SHCBP1: variants seen among roughly 807,000 people sequenced by gnomAD.
SHCBP1 encodes SHC binding and spindle associated 1, also known as SHC SH2 domain-binding protein 1.
SHCBP1 carries 60 observed loss-of-function variants against 75.1 expected under a neutral mutation model. The ratio of observed to expected loss-of-function variants is 0.80; its 90% CI spans 0.65 to 0.99. The LOEUF is 0.99. Ranked by LOEUF, SHCBP1 falls within the 50% of genes least tolerant of loss-of-function variation. SHCBP1 has a pLI of 0.00. For missense variants in SHCBP1, 709 were observed against 809.4 expected (o/e 0.88, Z 1.50); for synonymous variants, 290 against 293.2 (o/e 0.99, Z 0.11).
In SHCBP1 at chr16:46,584,065, C is replaced by G; in HGVS notation, c.1489G>C (p.Gly497Arg). 1.2e-6 allele frequency: 2 copies of G among 1,603,064 alleles called. No homozygotes were observed. The highest frequency in any genetic ancestry group is 1.7e-4 in the Middle Eastern group (1 of 6,044). ...AKGAGIEIYP[G>R]SQCTLSDNGI... is the part of the protein sequence containing the mutation. ...TTGTCACTCAGGGTGCACTGACTCC[C>G]AGGGTAGATTTCTATACCAGCACCC... Residue 497 changes from glycine to arginine, a missense_variant, in exon 11 of 13, where the codon GGG (glycine) becomes CGG (arginine). Transcript: ENST00000303383.
At chr16:46,594,893 A>ACAGTAAAAAAGAGCAAG (rs1230729889) in intron 10 of SHCBP1, among the ~76,000 whole-genome samples, 1 of 152,238 alleles carries the variant, frequency 6.6e-6, no homozygotes, top group Non-Finnish European at 1.5e-5. Context: ...CACACATTGG[A>ACAGTAAAAAAGAGCAAG]CTATTCCTCC....
intron 8 of SHCBP1, among the ~76,000 whole-genome samples, chr16:46,600,605 A>T (rs1271502491): frequency 6.6e-6 from 1 of 152,258 alleles, no homozygotes; most frequent in Non-Finnish European, 1.5e-5. Context: ...AAACCTAAAC[A>T]GTTCTCAAGA....
intron 5 of SHCBP1, 145 bp from the exon 6 acceptor site, chr16:46,604,606 G>A (rs758486782): frequency 3.5e-6 from 2 of 578,624 alleles, no homozygotes; most frequent in East Asian, 2.9e-5. Flanking sequence ...GAATAGCACT[G>A]TAATAATAAT....
chr16:46,583,954 G>C, intron 11 of SHCBP1, 49 bp downstream of exon 11: 1 of 1,481,308 alleles, frequency 6.8e-7, no homozygotes, highest in African/African-American at 1.4e-5. Context: ...TAATTTGTAG[G>C]TAAAACCATT....
intron 10 of SHCBP1, among the ~76,000 whole-genome samples, chr16:46,595,044 T>A (rs919800125): frequency 3.3e-5 from 5 of 152,146 alleles, no homozygotes; most frequent in African/African-American, 1.2e-4. Flanking sequence ...ATGAAATAAA[T>A]AGAAATGAAA....
intron 8 of SHCBP1, among the ~76,000 whole-genome samples, chr16:46,600,323 C>G (rs1255300473): frequency 1.3e-5 from 2 of 152,118 alleles, no homozygotes; most frequent in African/African-American, 4.8e-5. Context: ...AAAAATTAGT[C>G]AGGCATGGTG....
intron 4 of SHCBP1, among the ~76,000 whole-genome samples, chr16:46,609,433 TTTTC>T (rs1332813401): frequency 6.9e-6 from 1 of 144,334 alleles, no homozygotes; most frequent in Non-Finnish European, 1.5e-5. Flanking sequence ...GCATCCACAC[TTTTC>T]TTTTCTTTTT....
intron 4 of SHCBP1, among the ~76,000 whole-genome samples, chr16:46,609,629 T>C (rs1025788353): frequency 1.3e-5 from 2 of 151,578 alleles, no homozygotes; most frequent in Admixed American, 6.6e-5. Flanking sequence ...TTTTTGTACT[T>C]TTAGTAGAGA....
At chr16:46,589,633 C>G (rs1420857961) in intron 10 of SHCBP1, among the ~76,000 whole-genome samples, 1 of 152,202 alleles carries the variant, frequency 6.6e-6, no homozygotes, top group East Asian at 1.9e-4. Flanking sequence ...TGAAGGACCT[C>G]TTCAAGGAGA....
At chr16:46,588,465 T>A (rs12903963) in intron 10 of SHCBP1, among the ~76,000 whole-genome samples, 1 of 151,906 alleles carries the variant, frequency 6.6e-6, no homozygotes, top group Non-Finnish European at 1.5e-5. Context: ...ATCAAATAGA[T>A]GCAATAAAAA....
intron 3 of SHCBP1, among the ~76,000 whole-genome samples, chr16:46,617,057 A>G (rs1965510389): frequency 6.6e-6 from 1 of 152,232 alleles, no homozygotes; most frequent in African/African-American, 2.4e-5. Context: ...AAAAATTCAA[A>G]GCTGTAATTA....
chr16:46,603,727 G>C (rs1415257435), intron 7 of SHCBP1, 68 bp from the exon 8 acceptor site: 4 of 1,581,670 alleles, frequency 2.5e-6, no homozygotes, highest in Non-Finnish European at 3.5e-6. Context: ...ATTACTCTAG[G>C]TGACTTCATG....
In SHCBP1 at chr16:46,621,315, G is replaced by A; in HGVS notation, c.45C>T (p.Ala15=). 6.2e-7 allele frequency: 1 copy of A among 1,611,434 alleles called. No individual in the cohort carries two copies. The highest frequency in any genetic ancestry group is 8.5e-7 in the Non-Finnish European group (1 of 1,179,278). ...SLTGGGLEAA[A]MAPERMGWAV... ...CCCAGCCCATGCGCTCCGGCGCCATGGCCGCTGCCTCCAGACCGCCGCCCG... is the reference window on the plus strand; with the variant it reads ...CCCAGCCCATGCGCTCCGGCGCCATAGCCGCTGCCTCCAGACCGCCGCCCG... Residue 15 remains alanine (A), a synonymous_variant, in exon 1 of 13, where the codon GCC becomes GCT. Transcript: ENST00000303383.
intron 8 of SHCBP1, 57 bp from the exon 9 acceptor site, chr16:46,600,019 A>G: frequency 6.3e-7 from 1 of 1,576,336 alleles, no homozygotes; most frequent in South Asian, 1.2e-5. Context: ...TCTAAACGTG[A>G]ACACTGTAGA....
At chr16:46,606,930 C>G (rs995893234) in intron 5 of SHCBP1, among the ~76,000 whole-genome samples, 1 of 151,998 alleles carries the variant, frequency 6.6e-6, no homozygotes, top group Non-Finnish European at 1.5e-5. Context: ...AAGCAATCTT[C>G]CTGCCTCAGC....
chr16:46,601,607 G>A (rs1340240495), intron 8 of SHCBP1, among the ~76,000 whole-genome samples: 1 of 152,114 alleles, frequency 6.6e-6, no homozygotes, highest in Admixed American at 6.6e-5. Flanking sequence ...GAATGCAAGG[G>A]GACTCCACAC....
At chr16:46,596,482 G>A (rs1965144902) in intron 9 of SHCBP1, among the ~76,000 whole-genome samples, 1 of 151,936 alleles carries the variant, frequency 6.6e-6, no homozygotes, top group African/African-American at 2.4e-5. Context: ...ACTCCAGCCT[G>A]GGTGACAGAG....
At chr16:46,584,935 C>T (rs1051607057) in intron 10 of SHCBP1, among the ~76,000 whole-genome samples, 3 of 152,104 alleles carry the variant, frequency 2.0e-5, no homozygotes, top group Non-Finnish European at 4.4e-5. Context: ...AGTAGTATTC[C>T]ATGAGAAAAC....
intron 8 of SHCBP1, among the ~76,000 whole-genome samples, chr16:46,602,180 A>C (rs1567448406): frequency 1.3e-5 from 2 of 152,222 alleles, no homozygotes; most frequent in Non-Finnish European, 2.9e-5. Context: ...ACAAACTATA[A>C]TATCAGTGTT....
Sources: gnomAD v4.1 joint callset for allele counts (sites outside exome capture counted in the v4.1 genomes callset) on GRCh38, gnomAD v4.1.1 for gene constraint, MANE v1.5 for transcripts, NCBI Gene and HGNC (gene_info 2026-07-23, HGNC 2026-07-21) for gene names.